The following MAPRE2 variants were observed in gnomAD, a reference collection of about 807,000 sequenced individuals.
The protein encoded by MAPRE2 is microtubule associated protein RP/EB family member 2, also known as microtubule-associated protein RP/EB family member 2.
Under a neutral mutation model 43.2 loss-of-function variants are expected in MAPRE2, and 13 were observed. The observed-to-expected ratio is 0.30, with a 90% confidence interval of 0.20 to 0.48. The LOEUF (loss-of-function observed/expected upper bound fraction) is 0.48, where lower values mean the gene tolerates loss of function less well. Among genes scored for constraint, MAPRE2 ranks in the 20% least tolerant of loss-of-function variants. The pLI, the probability that MAPRE2 is intolerant of heterozygous loss-of-function variation, is 0.99. For missense variants in MAPRE2, 161 were observed against 400.2 expected (o/e 0.40, Z 5.10); for synonymous variants, 135 against 148.8 (o/e 0.91, Z 0.68).
At chr18:34,993,320 C>T (rs984992629) in intron 1 of MAPRE2, among the ~76,000 whole-genome samples, 1 of 137,706 alleles carries the variant, frequency 7.3e-6, no homozygotes, top group African/African-American at 2.7e-5. Flanking sequence ...CCAGGGTGGT[C>T]TAGATCTCCT....
chr18:35,111,677 C>G (rs1309231213), intron 4 of MAPRE2, among the ~76,000 whole-genome samples: 1 of 152,250 alleles, frequency 6.6e-6, no homozygotes, highest in Admixed American at 6.5e-5. Context: ...TCAGGCCTGT[C>G]TGTGCCTTTA....
chr18:35,039,613 T>G (rs1272749817), upstream of MAPRE2, among the ~76,000 whole-genome samples: 1 of 152,198 alleles, frequency 6.6e-6, no homozygotes, highest in East Asian at 1.9e-4. Context: ...GCCCCTTGTT[T>G]GAGATTATCC....
intron 1 of MAPRE2, among the ~76,000 whole-genome samples, chr18:35,045,651 T>C: frequency 6.6e-6 from 1 of 152,214 alleles, no homozygotes; most frequent in Admixed American, 6.5e-5. Context: ...TGTGAAAGTG[T>C]GTTCCATTCA....
Position 35,140,668 on chromosome 18 carries a change from C to G in MAPRE2, c.*299C>G, listed in dbSNP as rs189061299. ...TTCTTCATTTCTTTCCAGAACAACT[C>G]TTTCCCACCCCAACACCACTGCCAC... On this transcript the variant is annotated 3_prime_UTR_variant, in exon 7 of 7. Coordinates refer to ENST00000300249, the MANE Select transcript of MAPRE2 (RefSeq NM_014268.4). 30 of 363,878 alleles carry G rather than the reference C, an allele frequency of 8.2e-5. No individual in the cohort carries two copies. The highest frequency in any genetic ancestry group is 1.5e-4 in the Non-Finnish European group (30 of 199,628). The allele number at this position is 363,878 out of a possible 1,614,324, so 22.5% of individuals were successfully genotyped here. A position where few individuals can be genotyped will look rare whatever the true frequency, so the allele number is the denominator to read the frequency against.
At chr18:35,070,954 C>G (rs995657054) in intron 2 of MAPRE2, among the ~76,000 whole-genome samples, 1 of 152,174 alleles carries the variant, frequency 6.6e-6, no homozygotes, top group African/African-American at 2.4e-5. Context: ...AAGCATTCCC[C>G]AGCCTCGCAG....
intron 2 of MAPRE2, among the ~76,000 whole-genome samples, chr18:35,071,303 C>T (rs546436622): frequency 6.6e-6 from 1 of 152,262 alleles, no homozygotes; most frequent in Admixed American, 6.5e-5. Flanking sequence ...ATCGCTTGAG[C>T]CCAGGAGTTT....
intron 1 of MAPRE2, among the ~76,000 whole-genome samples, chr18:34,986,039 C>A (rs2097020827): frequency 1.3e-5 from 2 of 151,886 alleles, no homozygotes; most frequent in East Asian, 1.9e-4. Flanking sequence ...TTGGTCCCAA[C>A]TTATTATAAA....
chr18:35,116,198 A>G (rs1909402724), intron 4 of MAPRE2, among the ~76,000 whole-genome samples: 2 of 152,256 alleles, frequency 1.3e-5, no homozygotes, highest in South Asian at 2.1e-4. Flanking sequence ...AACTTAATGT[A>G]TAAGTAGATG....
At chr18:35,105,634 T>TA (rs1339889006) in intron 4 of MAPRE2, among the ~76,000 whole-genome samples, 1 of 152,090 alleles carries the variant, frequency 6.6e-6, no homozygotes. Flanking sequence ...CTGAGGTACT[T>TA]ACCCAGAGTG....
chr18:35,079,713 T>G (rs990543053), intron 2 of MAPRE2, among the ~76,000 whole-genome samples: 2 of 152,246 alleles, frequency 1.3e-5, no homozygotes, highest in African/African-American at 4.8e-5. Context: ...AATTAAAATG[T>G]AAGTCAAATC....
intron 1 of MAPRE2, among the ~76,000 whole-genome samples, chr18:34,979,866 T>C (rs1220546029): frequency 6.6e-6 from 1 of 152,174 alleles, no homozygotes; most frequent in Non-Finnish European, 1.5e-5. Flanking sequence ...TCTGTATCTT[T>C]AACAGGTTAT....
chr18:35,030,501 T>A (rs2097047328), intron 2 of MAPRE2, among the ~76,000 whole-genome samples: 1 of 152,226 alleles, frequency 6.6e-6, no homozygotes, highest in South Asian at 2.1e-4. Context: ...GTCTGGTTAT[T>A]TGGCTAAGTT....
At chr18:35,058,469 C>CT (rs1906351172) in intron 1 of MAPRE2, among the ~76,000 whole-genome samples, 1 of 152,104 alleles carries the variant, frequency 6.6e-6, no homozygotes, top group Non-Finnish European at 1.5e-5. Context: ...TGAAGTCTTT[C>CT]ATTAGCTTTG....
At chr18:35,055,541 G>C (rs866164144) in intron 1 of MAPRE2, among the ~76,000 whole-genome samples, 23 of 146,390 alleles carry the variant, frequency 1.6e-4, no homozygotes, top group African/African-American at 6.1e-4. Flanking sequence ...AGTTCTCTGT[G>C]TGTGTGTGTG....
At chr18:34,985,400 TAATATATTATAAATATA>T (rs2097019778) in intron 1 of MAPRE2, among the ~76,000 whole-genome samples, 1 of 50,984 alleles carries the variant, frequency 2.0e-5, no homozygotes, top group Non-Finnish European at 3.3e-5. Flanking sequence ...ATATAATATA[TAATATATTATAAATATA>T]ATATGTAAAC....
intron 1 of MAPRE2, among the ~76,000 whole-genome samples, chr18:35,064,212 C>G (rs912002560): frequency 6.7e-6 from 1 of 149,942 alleles, no homozygotes; most frequent in Non-Finnish European, 1.5e-5. Flanking sequence ...AAAAAAAAAT[C>G]AAAATAGGTT....
chr18:35,077,208 T>TTCTC (rs367688469), intron 2 of MAPRE2, among the ~76,000 whole-genome samples: 4 of 151,016 alleles, frequency 2.6e-5, no homozygotes, highest in Non-Finnish European at 5.9e-5. Context: ...TCTCAATAAG[T>TTCTC]TCTCTCTCTC....
intron 2 of MAPRE2, among the ~76,000 whole-genome samples, chr18:35,088,862 C>A (rs1461287634): frequency 2.0e-5 from 3 of 152,082 alleles, no homozygotes; most frequent in Non-Finnish European, 4.4e-5. Context: ...CTTTTGATGA[C>A]CTTGACCAGA....
chr18:35,135,309 C>T (rs1442096173), intron 6 of MAPRE2, among the ~76,000 whole-genome samples: 1 of 152,158 alleles, frequency 6.6e-6, no homozygotes, highest in Admixed American at 6.5e-5. Flanking sequence ...GGCCTGGATG[C>T]CGTGCTGGGT....
Sources: allele counts gnomAD v4.1 joint callset (sites outside exome capture counted in the v4.1 genomes callset), GRCh38; gene constraint gnomAD v4.1.1; transcripts MANE v1.5; gene names NCBI Gene and HGNC (gene_info 2026-07-23, HGNC 2026-07-21).